The following RPF2 variants were observed in gnomAD, a reference collection of about 807,000 sequenced individuals.
RPF2 encodes ribosome production factor 2 homolog.
RPF2 carries 21 observed loss-of-function variants against 38.9 expected under a neutral mutation model. The observed-to-expected ratio is 0.54, with a 90% confidence interval of 0.38 to 0.78. The LOEUF is 0.78. Ranked by LOEUF, RPF2 falls within the 30% of genes least tolerant of loss-of-function variation. The probability of loss-of-function intolerance (pLI) is 0.00; values close to 1 mark genes in which losing one functional copy is unlikely to be tolerated. For missense variants in RPF2, 314 were observed against 358.1 expected (o/e 0.88, Z 0.99); for synonymous variants, 121 against 126.2 (o/e 0.96, Z 0.28).
chr6:110,997,056 CG>C (rs1771726360), intron 4 of RPF2, 126 bp from the exon 5 acceptor site: 1 of 646,242 alleles, frequency 1.5e-6, no homozygotes, highest in South Asian at 1.7e-5. Context: ...CTCGCCTCGG[CG>C]TCCCAAGTGC....
chr6:110,982,282 G>T (rs942568521), intron 1 of RPF2, 153 bp downstream of exon 1: 2 of 810,478 alleles, frequency 2.5e-6, no homozygotes, highest in Non-Finnish European at 2.0e-6. Flanking sequence ...TCCTCAGCGC[G>T]AGCTGCTTGC....
rs370901999 is a variant in RPF2 at position 111,025,597 on chromosome 6, C to G, written c.*15C>G. 2 of 1,592,364 alleles carry G rather than the reference C, an allele frequency of 1.3e-6. No homozygotes were observed. The highest frequency in any genetic ancestry group is 2.7e-5 in the African/African-American group (2 of 73,530). On this transcript the variant is annotated 3_prime_UTR_variant, in exon 10 of 10. Transcript: ENST00000441448. ...AAAAAAATTGATGGAACTTAGCCAGCCACTACTGTTTCATTGTGTTCTACT... is the reference window on the plus strand; with the variant it reads ...AAAAAAATTGATGGAACTTAGCCAGGCACTACTGTTTCATTGTGTTCTACT...
intron 7 of RPF2, 81 bp from the exon 8 acceptor site, chr6:111,015,673 A>C: frequency 1.0e-6 from 1 of 967,126 alleles, no homozygotes; most frequent in Non-Finnish European, 1.6e-6. Context: ...TTGGAGCAAA[A>C]CTGTTTAGAG....
intron 6 of RPF2, among the ~76,000 whole-genome samples, chr6:111,006,030 T>C (rs1771901274): frequency 6.6e-6 from 1 of 152,058 alleles, no homozygotes; most frequent in Non-Finnish European, 1.5e-5. Flanking sequence ...GGTCTCAAAC[T>C]CCTGACCTCA....
chr6:110,982,105 C>T lies in RPF2; in HGVS notation c.-2C>T, dbSNP rs757498516. 6.2e-7 allele frequency: 1 copy of T among 1,614,202 alleles called. No homozygotes were observed. Among genetic ancestry groups the T allele is most frequent in the Admixed American group, 1.7e-5 (1 of 60,022 alleles). On this transcript the variant is annotated 5_prime_UTR_variant, in exon 1 of 10. Transcript: ENST00000441448. ...GGTTAAGAGTTGCAGGTAGCGGTAG[C>T]GATGGACACTCTGGATCGAGTAGTG...
chr6:110,994,617 A>G (rs569370652), intron 4 of RPF2, among the ~76,000 whole-genome samples: 1 of 151,948 alleles, frequency 6.6e-6, no homozygotes, highest in South Asian at 2.1e-4. Flanking sequence ...TAAAAACAAA[A>G]CAAAAGAATG....
chr6:111,010,571 C>A (rs955346702), intron 7 of RPF2, among the ~76,000 whole-genome samples: 1 of 152,216 alleles, frequency 6.6e-6, no homozygotes, highest in South Asian at 2.1e-4. Context: ...GTGTTGACAG[C>A]CGCGAGGCCT....
chr6:110,988,446 T>G (rs994350989), intron 2 of RPF2, among the ~76,000 whole-genome samples: 1 of 151,658 alleles, frequency 6.6e-6, no homozygotes, highest in Non-Finnish European at 1.5e-5. Context: ...TTTTTTTTTT[T>G]TTTTTCTGAG....
At chr6:110,989,182 A>G (rs192733225) in intron 3 of RPF2, 117 bp downstream of exon 3, 1 of 963,304 alleles carries the variant, frequency 1.0e-6, no homozygotes, top group African/African-American at 2.7e-5. Flanking sequence ...AATTCCTTAC[A>G]GTTATTAATA....
At chr6:111,017,896 A>G (rs1017859088) in intron 8 of RPF2, among the ~76,000 whole-genome samples, 1 of 146,366 alleles carries the variant, frequency 6.8e-6, no homozygotes, top group Non-Finnish European at 1.5e-5. Context: ...AGCCGAGATC[A>G]CGCCACTGCA....
Position 111,025,452 on chromosome 6 carries a change from G to T in RPF2, c.791G>T (p.Gly264Val), listed in dbSNP as rs1483676341. ...CATGATACTTTTGGTACAACTTATG[G>T]AAGGATTCATATGCAGAAGCAAGAC... is the stretch of plus-strand genomic sequence containing the variant. ...ISHDTFGTTY[G>V]RIHMQKQDLS... Residue 264 changes from glycine (G) to valine (V), a missense_variant, in exon 10 of 10, where the codon GGA (glycine) becomes GTA (valine). Transcript: ENST00000441448. The T allele has an allele frequency of 6.2e-7, 1 of 1,612,160 alleles. No homozygotes were observed. The highest frequency in any genetic ancestry group is 1.3e-5 in the African/African-American group (1 of 74,972).
intron 4 of RPF2, among the ~76,000 whole-genome samples, 191 bp from the exon 5 acceptor site, chr6:110,996,992 C>T (rs1360247030): frequency 5.9e-5 from 9 of 151,802 alleles, no homozygotes; most frequent in South Asian, 2.1e-4. Flanking sequence ...AGTAGAGATA[C>T]GGTCTTACCT....
At chr6:110,997,899 CTTT>C (rs36109711) in intron 5 of RPF2, among the ~76,000 whole-genome samples, 5 of 141,626 alleles carry the variant, frequency 3.5e-5, no homozygotes. Flanking sequence ...TTCTTTTCTT[CTTT>C]TTTTTTTTTT....
chr6:110,998,713 C>T (rs1178287772), intron 5 of RPF2, among the ~76,000 whole-genome samples: 2 of 152,064 alleles, frequency 1.3e-5, no homozygotes, highest in South Asian at 2.1e-4. Flanking sequence ...GAATGTCAGG[C>T]GACCATCAGG....
intron 4 of RPF2, among the ~76,000 whole-genome samples, chr6:110,992,262 A>G (rs976357522): frequency 6.6e-6 from 1 of 152,136 alleles, no homozygotes; most frequent in Non-Finnish European, 1.5e-5. Context: ...GTGAGCCGAG[A>G]TCACGCCATT....
intron 7 of RPF2, among the ~76,000 whole-genome samples, chr6:111,009,025 G>A (rs893913326): frequency 3.6e-4 from 54 of 151,238 alleles, no homozygotes; most frequent in African/African-American, 1.2e-3. Context: ...TAAGCCTCCC[G>A]AGTAGCTGGG....
At chr6:111,005,996 G>C (rs1771900783) in intron 6 of RPF2, among the ~76,000 whole-genome samples, 1 of 152,100 alleles carries the variant, frequency 6.6e-6, no homozygotes, top group Non-Finnish European at 1.5e-5. Flanking sequence ...AGTAGAGACA[G>C]GGTTTTACCA....
At position 111,015,776 on chromosome 6, in the gene RPF2, A is replaced by C. The variant is rs769064933; in HGVS notation, c.516A>C (p.Val172=). The C allele has an allele frequency of 5.6e-6, 9 of 1,611,362 alleles. No homozygotes were observed. The highest frequency in any genetic ancestry group is 5.9e-6 in the Non-Finnish European group (7 of 1,177,954). The part of the protein sequence containing the change: ...LLIDFFRGPT[V]SNIRLAGLEY... ...TAGATTTCTTCAGAGGCCCCACAGT[A>C]TCAAATATCCGCCTGGCTGGATTAG... The change falls in exon 8 of 10, where the codon GTA becomes GTC. Residue 172 remains valine, a synonymous_variant. Transcript: ENST00000441448.
intron 1 of RPF2, 113 bp from the exon 2 acceptor site, chr6:110,984,893 G>T: frequency 1.7e-6 from 2 of 1,151,964 alleles, no homozygotes; most frequent in East Asian, 4.9e-5. Flanking sequence ...TTTTTTTAAG[G>T]GTGGAACCCT....
Sources: allele counts gnomAD v4.1 joint callset (sites outside exome capture counted in the v4.1 genomes callset), GRCh38; gene constraint gnomAD v4.1.1; transcripts MANE v1.5; gene names NCBI Gene and HGNC (gene_info 2026-07-23, HGNC 2026-07-21).